IFT25: variants seen among roughly 807,000 people sequenced by gnomAD.
IFT25 encodes the protein intraflagellar transport protein 25 homolog.
the IFT25 span, among the ~76,000 whole-genome samples, chr1:53,937,998 C>T: frequency 6.6e-6 from 1 of 152,172 alleles, no homozygotes; most frequent in Non-Finnish European, 1.5e-5. Flanking sequence ...GCACAAAGAT[C>T]CCTGAAGTAC....
the IFT25 span, among the ~76,000 whole-genome samples, chr1:53,939,390 CA>C: frequency 0.042 from 2,628 of 63,048 alleles, 52 homozygotes; most frequent in African/African-American, 0.12. Context: ...GACTCTGTCT[CA>C]AAAAAAAAAA....
the IFT25 span, among the ~76,000 whole-genome samples, chr1:53,915,702 C>A: frequency 6.6e-6 from 1 of 152,096 alleles, no homozygotes; most frequent in Non-Finnish European, 1.5e-5. Flanking sequence ...GTGTAAGGAC[C>A]TGATGTCAAT....
chr1:53,939,746 T>G, the IFT25 span: 6 of 415,072 alleles, frequency 1.4e-5, no homozygotes, highest in African/African-American at 1.3e-4. Context: ...GGTAAACCAC[T>G]TCTAAAAAAA....
chr1:53,920,323 G>A, the IFT25 span, among the ~76,000 whole-genome samples: 4 of 150,690 alleles, frequency 2.7e-5, no homozygotes, highest in Non-Finnish European at 4.4e-5. Flanking sequence ...CTATCAATAT[G>A]GATTCACTTT....
chr1:53,936,217 G>A, the IFT25 span, among the ~76,000 whole-genome samples: 1 of 152,196 alleles, frequency 6.6e-6, no homozygotes, highest in African/African-American at 2.4e-5. Flanking sequence ...GAACCTGGGA[G>A]GCAGAGGTTG....
At chr1:53,913,471 G>C in the IFT25 span, among the ~76,000 whole-genome samples, 1 of 152,304 alleles carries the variant, frequency 6.6e-6, no homozygotes, top group East Asian at 1.9e-4. Flanking sequence ...AGTGGGGCTT[G>C]TTATCTGCTG....
the IFT25 span, among the ~76,000 whole-genome samples, chr1:53,920,688 C>A: frequency 6.6e-6 from 1 of 152,116 alleles, no homozygotes; most frequent in East Asian, 1.9e-4. Context: ...GAAAGAGGGC[C>A]GGGTGTGGTG....
the IFT25 span, among the ~76,000 whole-genome samples, chr1:53,924,237 TTTC>T: frequency 6.6e-6 from 1 of 152,058 alleles, no homozygotes; most frequent in Non-Finnish European, 1.5e-5. Flanking sequence ...AATGTGAAAA[TTTC>T]TTTTTAAAAC....
the IFT25 span, among the ~76,000 whole-genome samples, chr1:53,931,985 T>A: frequency 6.6e-6 from 1 of 152,212 alleles, no homozygotes; most frequent in African/African-American, 2.4e-5. Context: ...ATGCTATTAC[T>A]TTCCCTTGAG....
At chr1:53,916,306 G>C in the IFT25 span, among the ~76,000 whole-genome samples, 1 of 152,122 alleles carries the variant, frequency 6.6e-6, no homozygotes, top group African/African-American at 2.4e-5. Flanking sequence ...TAATGAGAAT[G>C]AGTTTTTTAA....
chr1:53,915,575 G>T, the IFT25 span, among the ~76,000 whole-genome samples: 10 of 152,274 alleles, frequency 6.6e-5, no homozygotes, highest in Admixed American at 5.2e-4. Context: ...CCTAAGAAAA[G>T]AAGAAAAATA....
chr1:53,912,350 T>C, the IFT25 span, among the ~76,000 whole-genome samples: 5 of 152,196 alleles, frequency 3.3e-5, no homozygotes, highest in Non-Finnish European at 7.3e-5. Context: ...CATTGAGCAT[T>C]GATTCTTTTC....
At chr1:53,922,768 C>T in the IFT25 span, among the ~76,000 whole-genome samples, 2 of 151,948 alleles carry the variant, frequency 1.3e-5, no homozygotes, top group South Asian at 2.1e-4. Flanking sequence ...ATTGTACTTA[C>T]GAAGCCTGTG....
chr1:53,930,158 TTA>T, the IFT25 span: 1 of 1,543,010 alleles, frequency 6.5e-7, no homozygotes, highest in South Asian at 1.3e-5. Context: ...ATTGTTAATT[TTA>T]AAGAAAAAAT....
the IFT25 span, chr1:53,921,806 T>C: frequency 7.8e-7 from 1 of 1,281,462 alleles, no homozygotes; most frequent in Non-Finnish European, 1.1e-6. Context: ...CTTTTAGCAG[T>C]GCTAGTTAAC....
the IFT25 span, chr1:53,921,545 T>C: frequency 4.0e-6 from 3 of 744,370 alleles, no homozygotes; most frequent in Admixed American, 2.2e-5. Flanking sequence ...AGAATGTAAA[T>C]AAAAACTGAA....
At chr1:53,926,993 G>A in the IFT25 span, among the ~76,000 whole-genome samples, 1 of 152,008 alleles carries the variant, frequency 6.6e-6, no homozygotes, top group Non-Finnish European at 1.5e-5. Flanking sequence ...CCAAAGTGTT[G>A]GGATTACAGG....
the IFT25 span, among the ~76,000 whole-genome samples, chr1:53,921,158 T>A: frequency 6.6e-6 from 1 of 152,124 alleles, no homozygotes; most frequent in Admixed American, 6.6e-5. Context: ...GGGTGACAGC[T>A]AGACCCTACT....
chr1:53,921,981 C>T, the IFT25 span, among the ~76,000 whole-genome samples: 1 of 152,222 alleles, frequency 6.6e-6, no homozygotes, highest in African/African-American at 2.4e-5. Context: ...CTGCAACTCT[C>T]ATTTTTTGTA....
Sources: gnomAD v4.1 joint callset for allele counts (sites outside exome capture counted in the v4.1 genomes callset) on GRCh38, gnomAD v4.1.1 for gene constraint, MANE v1.5 for transcripts, NCBI Gene and HGNC (gene_info 2026-07-23, HGNC 2026-07-21) for gene names.